FER: variants seen among roughly 807,000 people sequenced by gnomAD.
FER encodes tyrosine-protein kinase Fer.
FER carries 63 observed loss-of-function variants against 111.0 expected under a neutral mutation model. That is an observed-to-expected ratio of 0.57 (90% CI 0.46 to 0.70). The LOEUF is 0.70. Among genes scored for constraint, FER ranks in the 30% least tolerant of loss-of-function variants. The pLI is 0.00. For synonymous variants in FER, 327 were observed against 313.9 expected (o/e 1.04, Z -0.44); for missense variants, 914 against 954.0 (o/e 0.96, Z 0.55).
intron 13 of FER, among the ~76,000 whole-genome samples, chr5:109,027,253 A>G (rs915202588): frequency 6.6e-6 from 1 of 152,098 alleles, no homozygotes; most frequent in Non-Finnish European, 1.5e-5. Flanking sequence ...CCTGCAATAC[A>G]TTGGCTCTTG....
intron 5 of FER, among the ~76,000 whole-genome samples, chr5:108,865,841 A>C (rs1376097152): frequency 1.3e-5 from 2 of 152,236 alleles, no homozygotes; most frequent in Non-Finnish European, 2.9e-5. Flanking sequence ...AAAAATGCTC[A>C]CCATCACTGG....
chr5:108,994,174 T>C (rs758318049), intron 13 of FER, among the ~76,000 whole-genome samples: 1 of 152,220 alleles, frequency 6.6e-6, no homozygotes, highest in Non-Finnish European at 1.5e-5. Flanking sequence ...TTGCTTTTGA[T>C]ATATTAATCA....
chr5:109,098,687 T>C (rs903349679), intron 16 of FER, among the ~76,000 whole-genome samples: 1 of 151,738 alleles, frequency 6.6e-6, no homozygotes, highest in Non-Finnish European at 1.5e-5. Flanking sequence ...TTTTCACTAT[T>C]GAAATCAGGT....
intron 3 of FER, among the ~76,000 whole-genome samples, chr5:108,821,240 A>G (rs1161207987): frequency 6.6e-6 from 1 of 152,232 alleles, no homozygotes; most frequent in Non-Finnish European, 1.5e-5. Flanking sequence ...CCTCTGATTT[A>G]TCAAGTAACC....
At chr5:109,030,890 C>G (rs991647598) in intron 13 of FER, among the ~76,000 whole-genome samples, 2 of 152,130 alleles carry the variant, frequency 1.3e-5, no homozygotes, top group Non-Finnish European at 2.9e-5. Context: ...ACTGAGCTGC[C>G]TTGTTATTTC....
intron 5 of FER, among the ~76,000 whole-genome samples, chr5:108,855,594 G>GAAAAAAAA (rs199949845): frequency 1.9e-5 from 2 of 102,994 alleles, no homozygotes; most frequent in African/African-American, 3.3e-5. Flanking sequence ...GCACTCCAGC[G>GAAAAAAAA]AAAAAAAAAA....
intron 11 of FER, among the ~76,000 whole-genome samples, chr5:108,949,768 A>G (rs1757474822): frequency 6.6e-6 from 1 of 152,138 alleles, no homozygotes; most frequent in African/African-American, 2.4e-5. Flanking sequence ...TTAGCATTGA[A>G]TATAGTTAAT....
At chr5:108,769,610 A>G (rs1248373996) in intron 2 of FER, among the ~76,000 whole-genome samples, 1 of 152,060 alleles carries the variant, frequency 6.6e-6, no homozygotes, top group African/African-American at 2.4e-5. Context: ...GCAATAAGGG[A>G]GAGATGGATG....
At chr5:108,910,067 T>C (rs1232731480) in intron 10 of FER, among the ~76,000 whole-genome samples, 1 of 152,034 alleles carries the variant, frequency 6.6e-6, no homozygotes, top group African/African-American at 2.4e-5. Context: ...TTTGTAAATA[T>C]ATAAGTAGAT....
At chr5:109,048,101 T>G (rs1333121543) in intron 16 of FER, among the ~76,000 whole-genome samples, 1 of 152,132 alleles carries the variant, frequency 6.6e-6, no homozygotes, top group African/African-American at 2.4e-5. Context: ...TAAAGAAATA[T>G]GTAAAACGTT....
chr5:109,139,161 C>G (rs1753228039), intron 17 of FER, among the ~76,000 whole-genome samples: 1 of 152,042 alleles, frequency 6.6e-6, no homozygotes, highest in African/African-American at 2.4e-5. Context: ...CACAGCGGAG[C>G]TAAGTGATTC....
At chr5:108,915,260 G>A (rs1038083011) in intron 10 of FER, among the ~76,000 whole-genome samples, 11 of 152,090 alleles carry the variant, frequency 7.2e-5, no homozygotes, top group African/African-American at 2.7e-4. Context: ...ATCACCTGAG[G>A]TCAGGAGTTT....
chr5:108,886,593 G>T (rs996696006), intron 9 of FER, among the ~76,000 whole-genome samples: 2 of 151,432 alleles, frequency 1.3e-5, no homozygotes, highest in Non-Finnish European at 3.0e-5. Flanking sequence ...CATAGTAAAT[G>T]GTAGAAAAGA....
chr5:108,871,322 G>T, intron 6 of FER, 43 bp from the exon 7 acceptor site: 1 of 1,541,722 alleles, frequency 6.5e-7, no homozygotes. Context: ...TATCTCTCTT[G>T]ATAAAACTTT....
At chr5:108,889,208 G>A (rs558215569) in intron 9 of FER, among the ~76,000 whole-genome samples, 1 of 151,906 alleles carries the variant, frequency 6.6e-6, no homozygotes, top group South Asian at 2.1e-4. Context: ...TCACTGCTAG[G>A]TATATACTCA....
At chr5:109,186,127 C>T (rs1758838753) in intron 18 of FER, 73 bp from the exon 19 acceptor site, 6 of 1,596,854 alleles carry the variant, frequency 3.8e-6, no homozygotes, top group South Asian at 1.1e-5. Flanking sequence ...CTGACACAGA[C>T]ATACATAACC....
intron 14 of FER, among the ~76,000 whole-genome samples, chr5:109,044,352 G>A (rs1344102303): frequency 6.6e-6 from 1 of 151,508 alleles, no homozygotes; most frequent in Non-Finnish European, 1.5e-5. Flanking sequence ...CTAATTTTTT[G>A]GTATTTTTTT....
At position 108,879,701 on chromosome 5, in the gene FER, A is replaced by ATATAT. The variant is rs1554084619; in HGVS notation, c.924-3695_924-3694insTATAT. Among the ~76,000 whole-genome samples, 129 of 99,096 alleles carry ATATAT rather than the reference A, an allele frequency of 1.3e-3. 1 individual carries two copies. Among genetic ancestry groups the ATATAT allele is most frequent in the East Asian group, 7.7e-3 (35 of 4,558 alleles). The allele number at this position is 99,096 out of a possible 152,430, so 65.0% of individuals were successfully genotyped here. A position where few individuals can be genotyped will look rare whatever the true frequency, so the allele number is the denominator to read the frequency against. The stretch of plus-strand genomic sequence containing the variant: ...ATGTATTTTTTTTAGATTAAAAAAA[A>ATATAT]ATATATATATATATATATATATATT... On this transcript the variant is annotated intron_variant, in intron 8 of 19. Transcript: ENST00000281092.
At chr5:108,844,526 A>G (rs1197945482) in intron 5 of FER, among the ~76,000 whole-genome samples, 1 of 152,172 alleles carries the variant, frequency 6.6e-6, no homozygotes, top group Non-Finnish European at 1.5e-5. Flanking sequence ...CCTATTTAAA[A>G]TATTTATTTT....
Sources: allele counts gnomAD v4.1 joint callset (sites outside exome capture counted in the v4.1 genomes callset), GRCh38; gene constraint gnomAD v4.1.1; transcripts MANE v1.5; gene names NCBI Gene and HGNC (gene_info 2026-07-23, HGNC 2026-07-21).